PRUNE2: variants seen among roughly 807,000 people sequenced by gnomAD.
PRUNE2 encodes the protein prune homolog 2 with BCH domain, also known as protein prune homolog 2.
In PRUNE2, 164 loss-of-function variants were observed where a neutral mutation model predicts 252.0. The observed-to-expected ratio is 0.65, with a 90% CI of 0.57 to 0.74. PRUNE2 has a LOEUF of 0.74. Among genes scored for constraint, PRUNE2 ranks in the 30% least tolerant of loss-of-function variants. The pLI is 0.00. For missense variants in PRUNE2, 3,495 were observed against 3,711.0 expected (o/e 0.94, Z 1.51); for synonymous variants, 1,292 against 1,350.2 (o/e 0.96, Z 0.94).
chr9:76,860,836 A>C (rs2060507825), intron 1 of PRUNE2, among the ~76,000 whole-genome samples: 1 of 152,170 alleles, frequency 6.6e-6, no homozygotes, highest in African/African-American at 2.4e-5. Context: ...GAAAACCAGA[A>C]AGAAGGTGGC....
At chr9:76,833,517 G>T (rs1256043780) in intron 4 of PRUNE2, among the ~76,000 whole-genome samples, 3 of 152,074 alleles carry the variant, frequency 2.0e-5, no homozygotes, top group African/African-American at 7.2e-5. Context: ...TGTAATCCCC[G>T]CACTTTGGGA....
rs1442899718 is a variant in PRUNE2 at position 76,629,202 on chromosome 9, T to G, written c.9139A>C (p.Ser3047Arg). 6.3e-7 allele frequency: 1 copy of G among 1,597,026 alleles called. No individual in the cohort carries two copies. Among genetic ancestry groups the G allele is most frequent in the Non-Finnish European group, 8.6e-7 (1 of 1,167,672 alleles). ...ACTGTCAGGACTTACTTGATGATGC[T>G]CTCTGGAATGTGGATGCAATCCATT... ...IPMDCIHIPE[S>R]IIKLDEELRE... is the part of the protein sequence containing the mutation. The change falls in exon 16 of 19, where the codon AGC (serine) becomes CGC (arginine). Residue 3047 changes from serine (S) to arginine (R), a missense_variant. Transcript: ENST00000376718.
At chr9:76,684,459 T>G (rs2043847260) in intron 9 of PRUNE2, among the ~76,000 whole-genome samples, 1 of 152,206 alleles carries the variant, frequency 6.6e-6, no homozygotes, top group East Asian at 1.9e-4. Context: ...CCTTCCTGTC[T>G]CAGTCTCATT....
chr9:76,639,669 G>A (rs1841735546), intron 12 of PRUNE2, among the ~76,000 whole-genome samples: 1 of 152,106 alleles, frequency 6.6e-6, no homozygotes, highest in Non-Finnish European at 1.5e-5. Context: ...ACTAAAGATG[G>A]GTCTGGCTAA....
intron 7 of PRUNE2, among the ~76,000 whole-genome samples, chr9:76,712,267 A>C (rs1169945595): frequency 6.6e-6 from 1 of 152,144 alleles, no homozygotes; most frequent in African/African-American, 2.4e-5. Flanking sequence ...TTCCTATTTT[A>C]CCCATGAAGA....
At chr9:76,753,500 A>G (rs1438235777) in intron 6 of PRUNE2, among the ~76,000 whole-genome samples, 1 of 152,154 alleles carries the variant, frequency 6.6e-6, no homozygotes, top group Non-Finnish European at 1.5e-5. Context: ...TGTGAAACAG[A>G]TGACCTGTGG....
intron 1 of PRUNE2, among the ~76,000 whole-genome samples, chr9:76,893,648 A>G (rs1319287766): frequency 6.6e-6 from 1 of 152,250 alleles, no homozygotes; most frequent in African/African-American, 2.4e-5. Flanking sequence ...GCGCTTGGTC[A>G]GGAGGCTATT....
intron 6 of PRUNE2, among the ~76,000 whole-genome samples, chr9:76,719,780 G>A (rs949471258): frequency 7.2e-5 from 11 of 151,874 alleles, no homozygotes; most frequent in African/African-American, 1.9e-4. Flanking sequence ...CCTAGTAGCC[G>A]GGAATACAGG....
chr9:76,708,944 G>A lies in PRUNE2; in HGVS notation c.3330C>T (p.Asp1110=). ...SSTNSRQTAP[D]SLDLWNRVIL... is the part of the protein sequence containing the mutation. The stretch of plus-strand genomic sequence containing the variant: ...TCACTCTGTTCCACAAGTCGAGACT[G>A]TCAGGGGCCGTCTGCCGGGAGTTGG... Residue 1110 remains aspartate, a synonymous_variant, in exon 8 of 19, where the codon GAC becomes GAT. Coordinates refer to ENST00000376718, the MANE Select transcript of PRUNE2 (RefSeq NM_015225.3). The A allele has an allele frequency of 1.2e-6, 2 of 1,614,030 alleles. No homozygotes were observed. The highest frequency in any genetic ancestry group is 1.7e-6 in the Non-Finnish European group (2 of 1,179,904).
intron 16 of PRUNE2, 86 bp downstream of exon 16, chr9:76,629,106 G>A: frequency 2.6e-6 from 2 of 756,706 alleles, no homozygotes; most frequent in Non-Finnish European, 4.3e-6. Flanking sequence ...GCCTCCCAAA[G>A]TGCTAGGATT....
At position 76,903,337 on chromosome 9, in the gene PRUNE2, T is replaced by C. The variant is rs115031200; in HGVS notation, c.36+2591A>G. Among the ~76,000 whole-genome samples the C allele has an allele frequency of 2.4e-3, 370 of 151,392 alleles. 1 individual carries two copies. Among genetic ancestry groups the C allele is most frequent in the African/African-American group, 8.5e-3 (350 of 41,278 alleles). On this transcript the variant is annotated intron_variant, in intron 1 of 18. Coordinates refer to ENST00000376718, the MANE Select transcript of PRUNE2 (RefSeq NM_015225.3). ...ATTTCAAACCATTAAAAAATATATA[T>C]AATGCCCACAGAATAACAAAGCAAT...
intron 6 of PRUNE2, among the ~76,000 whole-genome samples, chr9:76,726,807 G>C (rs1291918479): frequency 3.3e-5 from 5 of 152,160 alleles, no homozygotes; most frequent in Non-Finnish European, 7.4e-5. Flanking sequence ...AACTTCCATT[G>C]CTATTAGTAC....
intron 1 of PRUNE2, among the ~76,000 whole-genome samples, chr9:76,861,493 C>G (rs58221227): frequency 0.017 from 2,656 of 152,244 alleles, 74 homozygotes; most frequent in African/African-American, 0.06. Context: ...CTTCTGTGTT[C>G]TCATATGTAA....
intron 6 of PRUNE2, among the ~76,000 whole-genome samples, chr9:76,756,712 G>C (rs537917429): frequency 6.6e-6 from 1 of 152,330 alleles, no homozygotes; most frequent in Admixed American, 6.5e-5. Flanking sequence ...GGGAAACAGA[G>C]GACCTGCTTC....
Position 76,705,567 on chromosome 9 carries a change from A to G in PRUNE2, c.6707T>C (p.Phe2236Ser). 1 of 1,614,048 alleles carries G rather than the reference A, an allele frequency of 6.2e-7. No individual in the cohort carries two copies. The highest frequency in any genetic ancestry group is 8.5e-7 in the Non-Finnish European group (1 of 1,179,902). Residue 2236 changes from phenylalanine to serine, a missense_variant, in exon 8 of 19, where the codon TTT (phenylalanine) becomes TCT (serine). Physicochemically the swap from Phe to Ser is radical, Grantham distance 155. Transcript: ENST00000376718. ...PRIENVATSI[F>S]VTHQEPTPEG... ...TGGAGTTGGCTCTTGGTGAGTTACA[A>G]AAATGCTAGTTGCCACATTTTCAAT...
intron 9 of PRUNE2, among the ~76,000 whole-genome samples, chr9:76,680,735 T>C (rs1390123723): frequency 6.6e-6 from 1 of 151,960 alleles, no homozygotes; most frequent in Non-Finnish European, 1.5e-5. Flanking sequence ...AAAAGAGAGG[T>C]TTAATTGACT....
chr9:76,640,316 A>C (rs1407541140), intron 12 of PRUNE2, among the ~76,000 whole-genome samples: 3 of 152,238 alleles, frequency 2.0e-5, no homozygotes, highest in Non-Finnish European at 4.4e-5. Flanking sequence ...TGTTTTCTAC[A>C]AAGAGAGTGT....
At chr9:76,715,374 G>A (rs1207045172) in intron 6 of PRUNE2, among the ~76,000 whole-genome samples, 1 of 152,174 alleles carries the variant, frequency 6.6e-6, no homozygotes, top group Non-Finnish European at 1.5e-5. Context: ...AGGTAGGCAG[G>A]CAGGCCCCGC....
At chr9:76,892,064 C>CCT (rs1554829017) in intron 1 of PRUNE2, among the ~76,000 whole-genome samples, 1 of 44,530 alleles carries the variant, frequency 2.2e-5, no homozygotes, top group Non-Finnish European at 4.5e-5. Context: ...GAGAAAGTAG[C>CCT]CCCCCCAGCC....
Sources: gnomAD v4.1 joint callset for allele counts (sites outside exome capture counted in the v4.1 genomes callset) on GRCh38, gnomAD v4.1.1 for gene constraint, MANE v1.5 for transcripts, NCBI Gene and HGNC (gene_info 2026-07-23, HGNC 2026-07-21) for gene names.